RXRG: variants seen among roughly 807,000 people sequenced by gnomAD.
The protein encoded by RXRG is retinoid X receptor gamma.
Under a neutral mutation model 49.2 loss-of-function variants are expected in RXRG, and 19 were observed. The observed-to-expected ratio is 0.39, with a 90% CI of 0.27 to 0.57. RXRG has a LOEUF of 0.57. RXRG is among the 20% of genes least tolerant of loss of function. The pLI is 0.64. For missense variants in RXRG, 452 were observed against 592.5 expected (o/e 0.76, Z 2.46); for synonymous variants, 224 against 216.6 (o/e 1.03, Z -0.30).
Position 165,439,508 on chromosome 1 carries a change from A to G in RXRG, c.49+5337T>C, listed in dbSNP as rs1047364940. The stretch of plus-strand genomic sequence containing the variant: ...CGAACTGGGGTTGCGTGAAGCATGC[A>G]GCAGCGTCAACCCATCAGCTAATGC... On this transcript the variant is annotated intron_variant, in intron 1 of 9. Coordinates refer to ENST00000359842, the MANE Select transcript of RXRG (RefSeq NM_006917.5). Among the ~76,000 whole-genome samples the G allele has an allele frequency of 2.0e-5, 3 of 152,236 alleles. No individual in the cohort carries two copies. In the East Asian group the frequency reaches 5.8e-4, roughly 29 times the overall value.
At chr1:165,404,963 T>C (rs1002121211) in intron 9 of RXRG, among the ~76,000 whole-genome samples, 10 of 152,296 alleles carry the variant, frequency 6.6e-5, no homozygotes, top group African/African-American at 1.9e-4. Flanking sequence ...TTCTACATGT[T>C]GGTCAGGCTG....
chr1:165,427,686 C>T (rs1230482317), intron 2 of RXRG, among the ~76,000 whole-genome samples: 3 of 152,176 alleles, frequency 2.0e-5, no homozygotes, highest in African/African-American at 7.2e-5. Flanking sequence ...TCATGATCCA[C>T]CCACTTCGGC....
chr1:165,428,869 T>G lies in RXRG; in HGVS notation c.147A>C (p.Pro49=). The G allele has an allele frequency of 1.2e-6, 2 of 1,614,106 alleles. No homozygotes were observed. The highest frequency in any genetic ancestry group is 8.5e-7 in the Non-Finnish European group (1 of 1,180,008). ...CACTCAGAGTCCGTGGGGCACTCAC[T>G]GGGGTATCTGTGTAGCTGGGGTGGC... is the stretch of plus-strand genomic sequence containing the variant. ...MDSHPSYTDT[P]VSAPRTLSAV... The change falls in exon 2 of 10, where the codon CCA becomes CCC. Residue 49 remains proline (P), a synonymous_variant. Coordinates refer to ENST00000359842, the MANE Select transcript of RXRG (RefSeq NM_006917.5).
intron 4 of RXRG, 53 bp from the exon 5 acceptor site, chr1:165,411,162 G>A (rs1657932877): frequency 7.6e-6 from 12 of 1,570,888 alleles, no homozygotes; most frequent in Non-Finnish European, 8.7e-7. Flanking sequence ...GACAACAGTG[G>A]GAAAGTTTAT....
At chr1:165,432,665 T>C (rs1658706079) in intron 1 of RXRG, among the ~76,000 whole-genome samples, 1 of 152,212 alleles carries the variant, frequency 6.6e-6, no homozygotes, top group South Asian at 2.1e-4. Context: ...TGATTATATC[T>C]TATTTCTTTT....
At chr1:165,413,692 A>C (rs1307772388) in intron 4 of RXRG, among the ~76,000 whole-genome samples, 1 of 152,204 alleles carries the variant, frequency 6.6e-6, no homozygotes, top group Non-Finnish European at 1.5e-5. Flanking sequence ...AAATCATGGA[A>C]ATAGACATTC....
chr1:165,437,094 C>T (rs1172702921), intron 1 of RXRG: 2 of 1,359,494 alleles, frequency 1.5e-6, no homozygotes, highest in Non-Finnish European at 2.0e-6. Context: ...TTACTGGTCA[C>T]TAGTGTCATG....
At chr1:165,417,008 C>T (rs1370482532) in intron 4 of RXRG, 33 bp downstream of exon 4, 9 of 1,587,914 alleles carry the variant, frequency 5.7e-6, no homozygotes, top group East Asian at 2.3e-5. Flanking sequence ...TGCCTCTCTC[C>T]GGACACGAGT....
chr1:165,402,509 C>T (rs183763178), intron 9 of RXRG, among the ~76,000 whole-genome samples: 4 of 152,220 alleles, frequency 2.6e-5, no homozygotes, highest in African/African-American at 9.6e-5. Context: ...ATACATGGCA[C>T]ACATGCATAC....
At chr1:165,433,849 T>A (rs1658749043) in intron 1 of RXRG, among the ~76,000 whole-genome samples, 2 of 152,174 alleles carry the variant, frequency 1.3e-5, no homozygotes, top group Non-Finnish European at 2.9e-5. Flanking sequence ...GCATTCCAAT[T>A]AAAGGTGCTA....
At chr1:165,407,049 G>C in intron 8 of RXRG, 132 bp from the exon 9 acceptor site, 1 of 610,372 alleles carries the variant, frequency 1.6e-6, no homozygotes, top group South Asian at 2.1e-5. Context: ...AAACAAAGCT[G>C]GTCATTCATG....
chr1:165,424,212 C>T (rs1222055891), intron 2 of RXRG, among the ~76,000 whole-genome samples: 1 of 152,218 alleles, frequency 6.6e-6, no homozygotes, highest in Non-Finnish European at 1.5e-5. Context: ...AATTGCATCA[C>T]TCCACTTAGA....
chr1:165,428,727 TG>T lies in RXRG; in HGVS notation c.288del (p.Ser97AlafsTer4). The T allele has an allele frequency of 6.3e-7, 1 of 1,595,796 alleles. No individual in the cohort carries two copies. The highest frequency in any genetic ancestry group is 8.6e-7 in the Non-Finnish European group (1 of 1,167,698). ...APPGINLVAP[P>X]SSQLNVVNSV... Reference sequence around the variant, plus strand: ...AGAGGAAGAACACTTACCTGAGAGCTGGGTGGGGCAACCAAGTTGATTCCTG... The same window carrying T: ...AGAGGAAGAACACTTACCTGAGAGCTGGTGGGGCAACCAAGTTGATTCCTG... On this transcript the variant is annotated frameshift_variant, in exon 2 of 10. Transcript: ENST00000359842. LOFTEE classifies it high-confidence loss of function.
chr1:165,406,290 C>T (rs1330207069), intron 9 of RXRG, among the ~76,000 whole-genome samples: 2 of 152,210 alleles, frequency 1.3e-5, no homozygotes, highest in Admixed American at 1.3e-4. Flanking sequence ...ATGCCACACA[C>T]GTGGCACCCT....
chr1:165,440,568 T>G (rs564751644), intron 1 of RXRG, among the ~76,000 whole-genome samples: 17 of 152,240 alleles, frequency 1.1e-4, no homozygotes, highest in Admixed American at 4.6e-4. Flanking sequence ...AGATTTTAGA[T>G]GCTTGGATTA....
At chr1:165,408,158 G>T in intron 8 of RXRG, 69 bp downstream of exon 8, 1 of 1,164,188 alleles carries the variant, frequency 8.6e-7, no homozygotes, top group Non-Finnish European at 1.3e-6. Flanking sequence ...CCAATAACAT[G>T]GGAGCACTGG....
At chr1:165,413,611 A>G (rs2101714732) in intron 4 of RXRG, among the ~76,000 whole-genome samples, 1 of 152,332 alleles carries the variant, frequency 6.6e-6, no homozygotes, top group East Asian at 1.9e-4. Flanking sequence ...TCACAAGGAT[A>G]CCAATGCTGC....
chr1:165,444,312 A>G (rs1398927683), intron 1 of RXRG, among the ~76,000 whole-genome samples: 1 of 152,254 alleles, frequency 6.6e-6, no homozygotes. Context: ...AAAACACAGT[A>G]GCAAATTAAA....
At chr1:165,402,679 T>G (rs1038758768) in intron 9 of RXRG, among the ~76,000 whole-genome samples, 2 of 151,710 alleles carry the variant, frequency 1.3e-5, no homozygotes, top group African/African-American at 4.8e-5. Flanking sequence ...CATACACACA[T>G]GCCCACTCAT....
Sources: allele counts gnomAD v4.1 joint callset (sites outside exome capture counted in the v4.1 genomes callset), GRCh38; gene constraint gnomAD v4.1.1; transcripts MANE v1.5; gene names NCBI Gene and HGNC (gene_info 2026-07-23, HGNC 2026-07-21).